Variants in PUDP observed in about 807,000 individuals in gnomAD.
PUDP encodes pseudouridine 5'-phosphatase, also known as pseudouridine-5'-phosphatase.
Under a neutral mutation model 9.4 loss-of-function variants are expected in PUDP, and 8 were observed. The ratio of observed to expected loss-of-function variants is 0.85; its 90% CI spans 0.50 to 1.53. The LOEUF (loss-of-function observed/expected upper bound fraction) is 1.53. PUDP is among the 40% of genes most tolerant of loss of function. The pLI is 0.00. For synonymous variants in PUDP, 99 were observed against 80.7 expected (o/e 1.23, Z -1.22); for missense variants, 188 against 189.7 (o/e 0.99, Z 0.05).
chrX:6,747,315 T>G (rs1925011419), intron 3 of PUDP, among the ~76,000 whole-genome samples: 1 of 112,130 alleles, frequency 8.9e-6, no homozygotes, highest in Non-Finnish European at 1.9e-5. Context: ...TTTTTCACCC[T>G]TATTCTCAGA....
intron 3 of PUDP, among the ~76,000 whole-genome samples, chrX:6,895,226 AAT>A (rs35611788): frequency 0.05 from 5,283 of 106,605 alleles, 146 homozygotes; most frequent in East Asian, 0.15. Flanking sequence ...GGCTGTATAT[AAT>A]ATATATATAT....
intron 3 of PUDP, among the ~76,000 whole-genome samples, chrX:6,776,619 C>T (rs1925468763): frequency 1.8e-5 from 2 of 112,011 alleles, no homozygotes; most frequent in African/African-American, 6.5e-5. Flanking sequence ...ATGGTGGTCA[C>T]TACCTATTTT....
chrX:6,971,421 CT>C (rs762990448), intron 3 of PUDP, among the ~76,000 whole-genome samples: 65 of 99,335 alleles, frequency 6.5e-4, no homozygotes, highest in Admixed American at 8.8e-4. Flanking sequence ...TTTTTCTTTT[CT>C]TTTTTTTTTT....
chrX:6,732,380 A>C (rs1924819617), intron 3 of PUDP, among the ~76,000 whole-genome samples: 1 of 111,759 alleles, frequency 8.9e-6, no homozygotes, highest in African/African-American at 3.3e-5. Flanking sequence ...TTTCCCTGAC[A>C]AACTTGTGTG....
chrX:7,130,864 C>T (rs1347535259), intron 1 of PUDP, among the ~76,000 whole-genome samples: 1 of 111,364 alleles, frequency 9.0e-6, no homozygotes, highest in Non-Finnish European at 1.9e-5. Context: ...CTAGCCTGGA[C>T]AACAGAATGA....
At chrX:6,751,955 T>C (rs2146670233) in intron 3 of PUDP, among the ~76,000 whole-genome samples, 1 of 111,005 alleles carries the variant, frequency 9.0e-6, no homozygotes, top group African/African-American at 3.3e-5. Context: ...CTTTGTTCTC[T>C]CTCTTCCATC....
chrX:6,947,167 A>G (rs1928480558), intron 3 of PUDP, among the ~76,000 whole-genome samples: 1 of 109,138 alleles, frequency 9.2e-6, no homozygotes, highest in South Asian at 4.0e-4. Context: ...CGCCCTGCTG[A>G]TTTTTTTGTA....
intron 3 of PUDP, among the ~76,000 whole-genome samples, chrX:6,814,375 A>G (rs928891415): frequency 1.8e-5 from 2 of 111,381 alleles, no homozygotes; most frequent in African/African-American, 6.5e-5. Context: ...TCTTTCAACT[A>G]TTACCCATCC....
chrX:6,855,115 TTCC>T lies in PUDP; in HGVS notation c.*247+122015_*247+122017del, dbSNP rs771705578. 4.3e-3 allele frequency among the ~76,000 whole-genome samples: 462 copies of T among 108,049 alleles called. 1 individual carries two copies. Among genetic ancestry groups the T allele is most frequent in the African/African-American group, 0.015 (441 of 29,811 alleles). The allele number at this position is 108,049 out of a possible 115,157, so 93.8% of individuals were successfully genotyped here. A position where few individuals can be genotyped will look rare whatever the true frequency, so the allele number is the denominator to read the frequency against. On this transcript the variant is annotated intron_variant and NMD_transcript_variant, in intron 3 of 3. Coordinates refer to the PUDP transcript ENST00000655425. ...GTGACAGCAAGACTAACCCCTCCTC[TTCC>T]TCCTCCTCTTCAGCCTCCTCAAAGT...
chrX:6,925,768 A>G (rs1399327066), intron 3 of PUDP, among the ~76,000 whole-genome samples: 1 of 112,054 alleles, frequency 8.9e-6, no homozygotes, highest in African/African-American at 3.2e-5. Flanking sequence ...TTATAGGTGA[A>G]TTCAGAGATG....
chrX:6,759,102 T>C (rs1203116694), intron 3 of PUDP, among the ~76,000 whole-genome samples: 1 of 111,900 alleles, frequency 8.9e-6, no homozygotes, highest in Non-Finnish European at 1.9e-5. Flanking sequence ...CTGACAAACA[T>C]AGCATTCCAT....
chrX:6,860,338 C>G (rs767946229), intron 3 of PUDP, among the ~76,000 whole-genome samples: 32 of 110,712 alleles, frequency 2.9e-4, no homozygotes, highest in African/African-American at 1.0e-3. Flanking sequence ...CAGGGTGTCA[C>G]TATGTTTCCC....
chrX:6,989,457 C>T (rs1357935581), intron 1 of PUDP: 12 of 159,764 alleles, frequency 7.5e-5, no homozygotes, highest in Non-Finnish European at 1.3e-4. Flanking sequence ...GACTGATCTT[C>T]GCTGTCAAGC....
At chrX:6,973,174 A>C (rs1366575308) in intron 3 of PUDP, among the ~76,000 whole-genome samples, 1 of 111,247 alleles carries the variant, frequency 9.0e-6, no homozygotes, top group Non-Finnish European at 1.9e-5. Flanking sequence ...GGATTCATTG[A>C]TTTTTTGAAG....
At chrX:6,729,274 C>T (rs7058223) in intron 3 of PUDP, among the ~76,000 whole-genome samples, 26,578 of 111,081 alleles carry the variant, frequency 0.24, 2,902 homozygotes, top group African/African-American at 0.4. Flanking sequence ...CATCAGAAAC[C>T]CAACAGAATG....
chrX:6,736,219 T>G (rs1456753081), intron 3 of PUDP, among the ~76,000 whole-genome samples: 4 of 111,480 alleles, frequency 3.6e-5, no homozygotes, highest in African/African-American at 1.3e-4. Flanking sequence ...AGAAAAAATT[T>G]AAACTCGTAT....
chrX:6,818,867 T>C (rs923236392), intron 3 of PUDP, among the ~76,000 whole-genome samples: 3 of 112,372 alleles, frequency 2.7e-5, no homozygotes, highest in Non-Finnish European at 5.6e-5. Flanking sequence ...GTATAAATCA[T>C]TGATTCTTCG....
At position 6,957,987 on chromosome X, in the gene PUDP, C is replaced by T. The variant is rs746156391; in HGVS notation, c.*247+19146G>A. 7.1e-5 allele frequency among the ~76,000 whole-genome samples: 8 copies of T among 111,959 alleles called. No homozygotes were observed. The South Asian group carries it at 3.0e-3, about 42-fold the overall frequency. ...GTTTGAAATGCTTGTTCCCCAGTGC[C>T]ATAAGGAAATAGCACTTGAACATAA... On this transcript the variant is annotated intron_variant and NMD_transcript_variant, in intron 3 of 3. Transcript: ENST00000655425.
chrX:6,734,096 G>A (rs192928651), intron 3 of PUDP, among the ~76,000 whole-genome samples: 1 of 110,854 alleles, frequency 9.0e-6, no homozygotes, highest in Non-Finnish European at 1.9e-5. Flanking sequence ...ATCGTTTCTG[G>A]GACAGCTGTT....
Sources: allele counts gnomAD v4.1 joint callset (sites outside exome capture counted in the v4.1 genomes callset), GRCh38; gene constraint gnomAD v4.1.1; transcripts MANE v1.5; gene names NCBI Gene and HGNC (gene_info 2026-07-23, HGNC 2026-07-21).